TMEM67: variants seen among roughly 807,000 people sequenced by gnomAD.
The protein encoded by TMEM67 is transmembrane protein 67, also known as meckelin.
A neutral mutation model predicts 136.6 loss-of-function variants in TMEM67; 124 were observed. The observed-to-expected ratio is 0.91, with a 90% CI of 0.78 to 1.05. TMEM67 has a LOEUF of 1.05. TMEM67 is among the 50% of genes least tolerant of loss of function. The probability of loss-of-function intolerance (pLI) is 0.00; values close to 1 mark genes in which losing one functional copy is unlikely to be tolerated. For synonymous variants in TMEM67, 364 were observed against 390.5 expected (o/e 0.93, Z 0.80); for missense variants, 1,107 against 1,178.4 (o/e 0.94, Z 0.89).
chr8:93,821,912 A>C (rs949403330), downstream of TMEM67, among the ~76,000 whole-genome samples: 5 of 152,182 alleles, frequency 3.3e-5, no homozygotes, highest in Non-Finnish European at 5.9e-5. Context: ...AATAAGACCC[A>C]AAAAAGATGA....
intron 7 of TMEM67, among the ~76,000 whole-genome samples, chr8:93,776,094 T>G (rs1813530033): frequency 6.6e-6 from 1 of 152,172 alleles, no homozygotes; most frequent in African/African-American, 2.4e-5. Flanking sequence ...GATTCCTAGG[T>G]ATTTTATTCT....
chr8:93,781,992 C>T (rs995445894), intron 10 of TMEM67, among the ~76,000 whole-genome samples: 1 of 151,994 alleles, frequency 6.6e-6, no homozygotes, highest in African/African-American at 2.4e-5. Flanking sequence ...GATCTCAGCT[C>T]ACTACAAGCT....
At chr8:93,819,511 G>A (rs1809010002), downstream of TMEM67, among the ~76,000 whole-genome samples, 4 of 152,078 alleles carry the variant, frequency 2.6e-5, no homozygotes. Flanking sequence ...CCCTCAGAAG[G>A]GTCTTATAAT....
intron 21 of TMEM67, 68 bp downstream of exon 21, chr8:93,799,826 G>A: frequency 1.5e-6 from 2 of 1,302,102 alleles, no homozygotes; most frequent in Non-Finnish European, 2.2e-6. Context: ...CCTAATTACT[G>A]ATTATCATCA....
chr8:93,769,350 A>G (rs897089052), intron 6 of TMEM67, among the ~76,000 whole-genome samples: 1 of 152,214 alleles, frequency 6.6e-6, no homozygotes, highest in Non-Finnish European at 1.5e-5. Context: ...ATATCCCTGC[A>G]TCCCACATAC....
chr8:93,801,505 G>A (rs1051515312), intron 21 of TMEM67, among the ~76,000 whole-genome samples: 2 of 151,378 alleles, frequency 1.3e-5, no homozygotes, highest in South Asian at 2.1e-4. Flanking sequence ...AGGTTCAAGC[G>A]ATTCTCCTGC....
intron 26 of TMEM67, among the ~76,000 whole-genome samples, chr8:93,813,790 A>G (rs1808792941): frequency 6.6e-6 from 1 of 152,212 alleles, no homozygotes; most frequent in Admixed American, 6.5e-5. Context: ...TGTAGGAGAA[A>G]GTAGAAGCAC....
chr8:93,780,678 C>G lies in TMEM67; in HGVS notation c.800C>G (p.Ala267Gly). The G allele has an allele frequency of 1.2e-6, 2 of 1,613,848 alleles. No individual in the cohort carries two copies. Among genetic ancestry groups the G allele is most frequent in the Non-Finnish European group, 1.7e-6 (2 of 1,179,818 alleles). ...TCTTACGACTTTGCCACATTTGATG[C>G]ATGTGGACTATTTCAGTTTATCTTT... Reference protein sequence around the residue: ...MNSYDFATFDACGLFQFIFEN... With the variant: ...MNSYDFATFDGCGLFQFIFEN... The change falls in exon 8 of 28, where the codon GCA becomes GGA. Residue 267 changes from alanine to glycine, a missense_variant. By Grantham distance (60) the Ala-to-Gly change is moderately conservative (BLOSUM62 0). This residue lies in a region of TMEM67 where 925 missense variants were observed against 1,002.4 expected (regional missense o/e 0.92). Transcript: ENST00000453321.
chr8:93,761,510 C>T (rs1310740577), intron 3 of TMEM67, among the ~76,000 whole-genome samples: 1 of 151,992 alleles, frequency 6.6e-6, no homozygotes, highest in Admixed American at 6.5e-5. Flanking sequence ...TAACTGTATG[C>T]CTGAAGAAGT....
chr8:93,776,173 G>A (rs1310502370), intron 7 of TMEM67, among the ~76,000 whole-genome samples: 3 of 152,132 alleles, frequency 2.0e-5, no homozygotes, highest in Admixed American at 6.6e-5. Context: ...TTGGTGTACA[G>A]GAATGCTTGT....
At chr8:93,811,831 T>C (rs1280880746) in intron 26 of TMEM67, among the ~76,000 whole-genome samples, 3 of 151,448 alleles carry the variant, frequency 2.0e-5, no homozygotes, top group Non-Finnish European at 4.4e-5. Context: ...AGAGCAAGAC[T>C]CCGTCTCAAA....
chr8:93,809,066 C>G lies in TMEM67; in HGVS notation c.2566C>G (p.Pro856Ala). 2 of 1,603,456 alleles carry G rather than the reference C, an allele frequency of 1.2e-6. No individual in the cohort carries two copies. The highest frequency in any genetic ancestry group is 1.1e-5 in the South Asian group (1 of 90,816). The change falls in exon 25 of 28, where the codon CCT becomes GCT. Residue 856 changes from proline to alanine, a missense_variant. This residue lies in a region of TMEM67 where 925 missense variants were observed against 1,002.4 expected (regional missense o/e 0.92). Transcript: ENST00000453321. The stretch of plus-strand genomic sequence containing the variant: ...CTCTTTTTTACATTAGAAAAATGGT[C>G]CTGCTAGACTACTGAGTTCATCAGC... Reference protein sequence around the residue: ...IHETLIRKNGPARLLSSSAST... With the variant: ...IHETLIRKNGAARLLSSSAST...
intron 12 of TMEM67, chr8:93,785,936 G>A: frequency 2.6e-6 from 1 of 384,062 alleles, no homozygotes; most frequent in South Asian, 2.5e-5. Flanking sequence ...TTGGTGTGAT[G>A]GTGCACCCTT....
rs117598235 is a variant in TMEM67 at position 93,761,121 on chromosome 8, C to T, written c.406+2545C>T. On this transcript the variant is annotated intron_variant, in intron 3 of 27. Coordinates refer to ENST00000453321, the MANE Select transcript of TMEM67 (RefSeq NM_153704.6). ...GTTCAGGAGTTCAAGACCAGCCTGA[C>T]GAATGTAGTCGCTATTAAAAACTCA... Among the ~76,000 whole-genome samples, 45 of 151,962 alleles carry T rather than the reference C, an allele frequency of 3.0e-4. 1 individual carries two copies. The highest frequency in any genetic ancestry group is 2.7e-3 in the Admixed American group (41 of 15,236).
chr8:93,804,948 T>TA, intron 23 of TMEM67, 70 bp downstream of exon 23: 4 of 957,460 alleles, frequency 4.2e-6, no homozygotes, highest in African/African-American at 1.6e-5. Context: ...TGGATTTGTT[T>TA]TAAAAAAAAA....
At chr8:93,773,790 A>T (rs539755408) in intron 7 of TMEM67, among the ~76,000 whole-genome samples, 15 of 152,280 alleles carry the variant, frequency 9.9e-5, no homozygotes, top group Non-Finnish European at 1.8e-4. Flanking sequence ...TCTAACATAC[A>T]AATTATTGTT....
chr8:93,807,038 C>G (rs1223684417), intron 23 of TMEM67, among the ~76,000 whole-genome samples: 2 of 151,996 alleles, frequency 1.3e-5, no homozygotes, highest in African/African-American at 4.8e-5. Flanking sequence ...TAATAAAGCT[C>G]TAAAAATATT....
At chr8:93,779,133 C>T (rs1286536278) in intron 7 of TMEM67, among the ~76,000 whole-genome samples, 1 of 152,166 alleles carries the variant, frequency 6.6e-6, no homozygotes, top group East Asian at 1.9e-4. Flanking sequence ...CCCTTTCTTC[C>T]ACTTGACCAA....
intron 15 of TMEM67, among the ~76,000 whole-genome samples, chr8:93,792,439 G>T (rs1814423071): frequency 6.6e-6 from 1 of 152,086 alleles, no homozygotes; most frequent in Admixed American, 6.5e-5. Context: ...CTCCCAAAAT[G>T]CTGGGATTAC....
Sources: allele counts gnomAD v4.1 joint callset (sites outside exome capture counted in the v4.1 genomes callset), GRCh38; gene constraint gnomAD v4.1.1; regional missense constraint gnomAD v4.1.1; transcripts MANE v1.5; gene names NCBI Gene and HGNC (gene_info 2026-07-23, HGNC 2026-07-21).